HS6ST2: variants seen among roughly 807,000 people sequenced by gnomAD.
HS6ST2 encodes heparan-sulfate 6-O-sulfotransferase 2.
A neutral mutation model predicts 33.0 loss-of-function variants in HS6ST2; 17 were observed. The observed-to-expected ratio is 0.52, with a 90% CI of 0.35 to 0.77. HS6ST2 has a LOEUF of 0.77. HS6ST2 is among the 30% of genes least tolerant of loss of function. The pLI is 0.01. For synonymous variants in HS6ST2, 248 were observed against 237.1 expected (o/e 1.05, Z -0.42); for missense variants, 519 against 551.7 (o/e 0.94, Z 0.59).
intron 2 of HS6ST2, among the ~76,000 whole-genome samples, chrX:132,821,493 T>A (rs769036744): frequency 7.3e-5 from 8 of 110,184 alleles, no homozygotes; most frequent in African/African-American, 1.7e-4. Flanking sequence ...ATTACAAGCG[T>A]GAGCCACCGC....
intron 2 of HS6ST2, among the ~76,000 whole-genome samples, chrX:132,801,082 C>T (rs766584499): frequency 9.0e-6 from 1 of 111,156 alleles, no homozygotes; most frequent in South Asian, 3.9e-4. Flanking sequence ...GTGTGAAAAC[C>T]AACTAATACA....
At chrX:132,806,248 A>G (rs138250160) in intron 2 of HS6ST2, among the ~76,000 whole-genome samples, 1,173 of 110,481 alleles carry the variant, frequency 0.011, 27 homozygotes, top group African/African-American at 0.035. Context: ...TATTGCTACT[A>G]CTTCTAAATT....
At chrX:132,705,482 C>T (rs1390846509) in intron 3 of HS6ST2, among the ~76,000 whole-genome samples, 1 of 110,846 alleles carries the variant, frequency 9.0e-6, no homozygotes, top group Admixed American at 9.6e-5. Flanking sequence ...GTGTAAGTAC[C>T]CCAAATCACT....
intron 2 of HS6ST2, among the ~76,000 whole-genome samples, chrX:132,846,700 A>T (rs1163101325): frequency 9.0e-6 from 1 of 110,721 alleles, no homozygotes; most frequent in Non-Finnish European, 1.9e-5. Context: ...CCATGCTCTT[A>T]TGAGTGTAGA....
intron 3 of HS6ST2, among the ~76,000 whole-genome samples, chrX:132,692,544 C>G (rs1166685801): frequency 1.8e-5 from 2 of 110,485 alleles, no homozygotes; most frequent in Non-Finnish European, 3.8e-5. Flanking sequence ...GAGATGGAAC[C>G]TGGCCTTACA....
intron 2 of HS6ST2, among the ~76,000 whole-genome samples, chrX:132,710,182 T>G (rs183624257): frequency 3.6e-5 from 4 of 110,896 alleles, no homozygotes; most frequent in Admixed American, 1.9e-4. Context: ...TGAGTGACGA[T>G]CCATGAAGAC....
chrX:132,865,158 T>A (rs57598137), intron 2 of HS6ST2, among the ~76,000 whole-genome samples: 12,436 of 82,141 alleles, frequency 0.15, 866 homozygotes, highest in East Asian at 0.39. Context: ...CCCCAGAGTG[T>A]GATGTTCCCC....
At chrX:132,679,337 C>T (rs2063949604) in intron 3 of HS6ST2, among the ~76,000 whole-genome samples, 1 of 111,662 alleles carries the variant, frequency 9.0e-6, no homozygotes, top group East Asian at 2.8e-4. Context: ...AAAAGAGAGA[C>T]ATTTTAAGGC....
intron 2 of HS6ST2, among the ~76,000 whole-genome samples, chrX:132,813,409 C>A (rs1295298477): frequency 9.0e-6 from 1 of 111,536 alleles, no homozygotes; most frequent in African/African-American, 3.3e-5. Context: ...ATTTATTCCG[C>A]CCAGATCACA....
At chrX:132,660,827 T>A (rs965460822) in intron 4 of HS6ST2, among the ~76,000 whole-genome samples, 6 of 111,986 alleles carry the variant, frequency 5.4e-5, no homozygotes, top group Non-Finnish European at 1.1e-4. Context: ...ATAAAGAACT[T>A]CCAAAGACTG....
chrX:132,874,938 G>T (rs1417161267), intron 2 of HS6ST2, among the ~76,000 whole-genome samples: 1 of 111,701 alleles, frequency 9.0e-6, no homozygotes, highest in African/African-American at 3.3e-5. Context: ...CAGAAAATGG[G>T]CAGCAGAGAG....
intron 2 of HS6ST2, among the ~76,000 whole-genome samples, chrX:132,847,456 C>T (rs1214899284): frequency 9.0e-6 from 1 of 111,347 alleles, no homozygotes; most frequent in Non-Finnish European, 1.9e-5. Flanking sequence ...CCCGGTTGAG[C>T]ACCAGTGGCT....
intron 4 of HS6ST2, chrX:132,668,487 T>C (rs2063828130): frequency 9.0e-6 from 1 of 111,374 alleles, no homozygotes; most frequent in African/African-American, 3.3e-5. Context: ...TCGGCTGGTG[T>C]TGTCTTCTGG....
chrX:132,694,909 C>T (rs746336909), intron 3 of HS6ST2, among the ~76,000 whole-genome samples: 2 of 111,168 alleles, frequency 1.8e-5, no homozygotes, highest in South Asian at 3.8e-4. Flanking sequence ...CTCACTGAGG[C>T]GGGGAAGATT....
intron 2 of HS6ST2, among the ~76,000 whole-genome samples, chrX:132,901,315 T>C (rs1042953049): frequency 1.8e-5 from 2 of 111,826 alleles, no homozygotes; most frequent in Admixed American, 9.6e-5. Context: ...AGACAGGTTG[T>C]CATGCAGCAA....
At chrX:132,716,744 G>A (rs781718849) in intron 2 of HS6ST2, among the ~76,000 whole-genome samples, 2 of 112,305 alleles carry the variant, frequency 1.8e-5, no homozygotes, top group East Asian at 2.8e-4. Context: ...AATAAAGGCC[G>A]AAAAGTTTCA....
At chrX:132,631,505 T>C (rs764354078) in intron 4 of HS6ST2, among the ~76,000 whole-genome samples, 7 of 110,692 alleles carry the variant, frequency 6.3e-5, no homozygotes, top group Non-Finnish European at 1.3e-4. Flanking sequence ...GTTCCCTCCT[T>C]CCACTCCTAG....
intron 2 of HS6ST2, among the ~76,000 whole-genome samples, chrX:132,893,890 A>G (rs1286870749): frequency 1.8e-5 from 2 of 111,249 alleles, no homozygotes; most frequent in Non-Finnish European, 3.8e-5. Context: ...CCAAACCTTA[A>G]CACTCCAGAT....
intron 2 of HS6ST2, among the ~76,000 whole-genome samples, chrX:132,778,058 C>T (rs945367228): frequency 8.9e-6 from 1 of 112,201 alleles, no homozygotes; most frequent in Non-Finnish European, 1.9e-5. Context: ...TTTATTGCTG[C>T]AGGCCAGAAG....
Sources: allele counts gnomAD v4.1 joint callset (sites outside exome capture counted in the v4.1 genomes callset), GRCh38; gene constraint gnomAD v4.1.1; transcripts MANE v1.5; gene names NCBI Gene and HGNC (gene_info 2026-07-23, HGNC 2026-07-21).